The following CCDC178 variants were observed in gnomAD, a reference collection of about 807,000 sequenced individuals.
The protein encoded by CCDC178 is coiled-coil domain containing 178.
In CCDC178, 126 loss-of-function variants were observed where a neutral mutation model predicts 117.4. That is an observed-to-expected ratio of 1.07 (90% confidence interval 0.93 to 1.24). CCDC178 has a LOEUF of 1.24. Ranked by LOEUF, CCDC178 falls within the 50% of genes most tolerant of loss-of-function variation. CCDC178 has a pLI of 0.00. For missense variants in CCDC178, 1,030 were observed against 986.9 expected (o/e 1.04, Z -0.59); for synonymous variants, 283 against 313.4 (o/e 0.90, Z 1.02).
chr18:33,293,055 A>G, intron 12 of CCDC178, 104 bp downstream of exon 12: 1 of 712,308 alleles, frequency 1.4e-6, no homozygotes, highest in Non-Finnish European at 2.2e-6. Context: ...TTGGCTAAAT[A>G]TAAAAAAATT....
rs761412860 is a variant in CCDC178 at position 33,333,218 on chromosome 18, G to C, written c.835C>G (p.Gln279Glu). Reference protein sequence around the residue: ...HGPLLDSKQNQELQDLKNHYK... With the variant: ...HGPLLDSKQNEELQDLKNHYK... The stretch of plus-strand genomic sequence containing the variant: ...TGGTTCTTCAGATCTTGAAGTTCCT[G>C]ATTCTGCTTAGAGTCCAGTAGAGGG... The change falls in exon 10 of 23, where the codon CAG (glutamine) becomes GAG (glutamate). Residue 279 changes from glutamine to glutamate, a missense_variant. Transcript: ENST00000383096. The C allele has an allele frequency of 1.1e-5, 18 of 1,607,762 alleles. No homozygotes were observed. Among genetic ancestry groups the C allele is most frequent in the Non-Finnish European group, 1.5e-5 (18 of 1,176,780 alleles).
chr18:33,329,914 T>TGG (rs2062641574), intron 10 of CCDC178, among the ~76,000 whole-genome samples: 1 of 133,674 alleles, frequency 7.5e-6, no homozygotes, highest in Non-Finnish European at 1.7e-5. Context: ...TGTGTGTGTG[T>TGG]GGTATAATTC....
Position 33,195,155 on chromosome 18 carries a change from G to T in CCDC178, c.2238+16741C>A, listed in dbSNP as rs562565563. ...AGAGAGAGAGAGAGAGAAGAAAAAA[G>T]AAAATTAAAAAAAGAAAAATACAAT... On this transcript the variant is annotated intron_variant, in intron 20 of 22. Transcript: ENST00000383096. Among the ~76,000 whole-genome samples the T allele has an allele frequency of 4.0e-5, 6 of 150,514 alleles. No individual in the cohort carries two copies. The East Asian group carries it at 5.9e-4, about 15-fold the overall frequency.
rs78720118 is a variant in CCDC178 at position 32,941,288 on chromosome 18, T to C, written c.2524-3197A>G. ...TAGCTAATTTCTAGATTTGAGAATA[T>C]ACTTTATTTTTTAAGTATGATTACA... On this transcript the variant is annotated intron_variant, in intron 22 of 22. Transcript: ENST00000383096. 7.1e-3 allele frequency among the ~76,000 whole-genome samples: 1,074 copies of C among 152,248 alleles called. 9 individuals carry two copies. The highest frequency in any genetic ancestry group is 0.019 in the South Asian group (92 of 4,826).
intron 21 of CCDC178, among the ~76,000 whole-genome samples, chr18:33,067,670 C>A (rs1176509176): frequency 6.6e-5 from 10 of 151,846 alleles, no homozygotes. Context: ...CATGGAGAAA[C>A]CCATCTCGAC....
chr18:33,376,281 C>G (rs533019379), intron 5 of CCDC178, among the ~76,000 whole-genome samples: 3 of 151,904 alleles, frequency 2.0e-5, no homozygotes, highest in South Asian at 4.2e-4. Context: ...GGGGGAGGGG[C>G]GGGGAGGGCG....
At chr18:33,005,825 ATC>A in intron 21 of CCDC178, among the ~76,000 whole-genome samples, 1 of 152,158 alleles carries the variant, frequency 6.6e-6, no homozygotes, top group East Asian at 1.9e-4. Context: ...GAAAGTAATG[ATC>A]TTTTACGATA....
intron 15 of CCDC178, among the ~76,000 whole-genome samples, chr18:33,234,016 G>A (rs2059398323): frequency 6.6e-6 from 1 of 152,106 alleles, no homozygotes. Flanking sequence ...GTAGAATGGA[G>A]AAGGAAATTA....
intron 3 of CCDC178, among the ~76,000 whole-genome samples, chr18:33,401,301 G>T (rs1423326768): frequency 6.6e-6 from 1 of 152,118 alleles, no homozygotes; most frequent in Non-Finnish European, 1.5e-5. Context: ...AAACAGAGTT[G>T]CCACAAACCT....
rs571771889 is a variant in CCDC178, at chr18:33,321,718, A to G, written c.1022+1773T>C. ...AATCAAATTCAAGAAATAAGAAAAT[A>G]CCAATAATCAACATGAAAAAAGGCA... On this transcript the variant is annotated intron_variant, in intron 11 of 22. Coordinates refer to ENST00000383096, the MANE Select transcript of CCDC178 (RefSeq NM_001105528.4). 5.5e-4 allele frequency among the ~76,000 whole-genome samples: 83 copies of G among 152,058 alleles called. 1 individual carries two copies. Among genetic ancestry groups the G allele is most frequent in the African/African-American group, 1.9e-3 (80 of 41,530 alleles).
intron 20 of CCDC178, among the ~76,000 whole-genome samples, chr18:33,128,271 G>C (rs2058031691): frequency 6.6e-6 from 1 of 152,150 alleles, no homozygotes; most frequent in Admixed American, 6.5e-5. Flanking sequence ...AAATGGTAAA[G>C]TCATATGTCC....
At chr18:33,254,081 A>G (rs111887538) in intron 14 of CCDC178, among the ~76,000 whole-genome samples, 3 of 152,034 alleles carry the variant, frequency 2.0e-5, no homozygotes, top group African/African-American at 7.2e-5. Flanking sequence ...AAGAAAAATA[A>G]TCATTAGTCT....
At chr18:33,440,386 G>A (rs1198089807) in intron 1 of CCDC178, 3 of 149,766 alleles carry the variant, frequency 2.0e-5, no homozygotes, top group African/African-American at 7.4e-5. Context: ...CGGAGAACAG[G>A]GGGACAAAAC....
intron 9 of CCDC178, among the ~76,000 whole-genome samples, chr18:33,342,547 G>C (rs568015989): frequency 6.6e-6 from 1 of 152,274 alleles, no homozygotes; most frequent in Non-Finnish European, 1.5e-5. Context: ...GTTCCAAGCT[G>C]ACACTTTGAG....
At chr18:33,291,725 C>A (rs2060167797) in intron 12 of CCDC178, among the ~76,000 whole-genome samples, 1 of 151,910 alleles carries the variant, frequency 6.6e-6, no homozygotes, top group Non-Finnish European at 1.5e-5. Context: ...AGGAGCACAC[C>A]ACTGCTGATT....
intron 14 of CCDC178, among the ~76,000 whole-genome samples, chr18:33,258,152 C>A (rs989010549): frequency 1.3e-5 from 2 of 152,112 alleles, no homozygotes; most frequent in Non-Finnish European, 2.9e-5. Context: ...CATCACTAAG[C>A]AGCCCAAGTG....
At chr18:33,038,384 A>T (rs180939307) in intron 21 of CCDC178, among the ~76,000 whole-genome samples, 36 of 152,062 alleles carry the variant, frequency 2.4e-4, no homozygotes, top group Admixed American at 1.6e-3. Context: ...GAATTTTCTC[A>T]TATCTTTAAA....
chr18:33,195,246 C>T (rs1254857053), intron 20 of CCDC178, among the ~76,000 whole-genome samples: 1 of 151,930 alleles, frequency 6.6e-6, no homozygotes, highest in Non-Finnish European at 1.5e-5. Context: ...ACACATGAAT[C>T]TATATGATCT....
At chr18:33,279,160 A>G (rs902995486) in intron 12 of CCDC178, among the ~76,000 whole-genome samples, 58 of 152,198 alleles carry the variant, frequency 3.8e-4, no homozygotes, top group African/African-American at 1.4e-3. Flanking sequence ...AGAGGAAGTC[A>G]AATTGTCCCT....
Sources: gnomAD v4.1 joint callset for allele counts (sites outside exome capture counted in the v4.1 genomes callset) on GRCh38, gnomAD v4.1.1 for gene constraint, MANE v1.5 for transcripts, NCBI Gene and HGNC (gene_info 2026-07-23, HGNC 2026-07-21) for gene names.